ACLY: variants seen among roughly 807,000 people sequenced by gnomAD.
ACLY encodes ATP-citrate synthase.
Under a neutral mutation model 133.0 loss-of-function variants are expected in ACLY, and 41 were observed. That is an observed-to-expected ratio of 0.31 (90% confidence interval 0.24 to 0.40). ACLY has a LOEUF of 0.40. Among genes scored for constraint, ACLY ranks in the 10% least tolerant of loss-of-function variants. ACLY has a pLI of 1.00. For synonymous variants in ACLY, 495 were observed against 549.3 expected, an observed-to-expected ratio of 0.90 and a Z score of 1.38; for missense variants, 1,046 against 1,453.8, an observed-to-expected ratio of 0.72 and a Z score of 4.56.
chr17:41,904,845 C>A, intron 9 of ACLY, 55 bp from the exon 10 acceptor site: 1 of 1,534,354 alleles, frequency 6.5e-7, no homozygotes, highest in Non-Finnish European at 9.0e-7. Context: ...ACTTGAGCAT[C>A]TTCCCAGCAA....
At chr17:41,868,642 A>G (rs8079008) in intron 28 of ACLY, 67 bp downstream of exon 28, 1,035,378 of 1,126,370 alleles carry the variant, frequency 0.92, 476,765 homozygotes, top group East Asian at 1. Context: ...CAACCCCATG[A>G]GTAAGTGGTG....
intron 10 of ACLY, among the ~76,000 whole-genome samples, chr17:41,902,212 C>T (rs879948779): frequency 6.6e-6 from 1 of 152,122 alleles, no homozygotes; most frequent in Non-Finnish European, 1.5e-5. Flanking sequence ...AAGTGATGTG[C>T]GGGAATAGTT....
Position 41,897,816 on chromosome 17 carries a change from T to C in ACLY, c.1362A>G (p.Ala454=). 1 of 1,613,668 alleles carries C rather than the reference T, an allele frequency of 6.2e-7. No individual in the cohort carries two copies. Among genetic ancestry groups the C allele is most frequent in the East Asian group, 2.2e-5 (1 of 44,854 alleles). The change falls in exon 13 of 29, where the codon GCA becomes GCG. Residue 454 remains alanine, a synonymous_variant. Coordinates refer to ENST00000352035, the MANE Select transcript of ACLY (RefSeq NM_001096.3). The stretch of plus-strand genomic sequence containing the variant: ...CATCGGCCCTGGACTCAGAAAAAGA[T>C]GCTGTCCTGCTGGGGGCTGGCGTCT... ...STSTPAPSRT[A]SFSESRADEV...
At position 41,918,915 on chromosome 17, in the gene ACLY, G is replaced by C. The variant is rs781824000; in HGVS notation, c.-59C>G. 1.6e-6 allele frequency: 2 copies of C among 1,289,202 alleles called. No individual in the cohort carries two copies. The highest frequency in any genetic ancestry group is 2.5e-5 in the South Asian group (2 of 80,848). 79.9% of individuals were successfully genotyped at this position (1,289,202 alleles called of 1,614,324 possible). ...GTCCGTGCGCGGCGCTTCTTCCACA[G>C]GCCCGACGAACCCCGCAAAATCCGG... On this transcript the variant is annotated 5_prime_UTR_variant, in exon 1 of 29. Transcript: ENST00000352035.
intron 22 of ACLY, among the ~76,000 whole-genome samples, chr17:41,876,612 T>C (rs189895432): frequency 2.6e-5 from 4 of 151,488 alleles, no homozygotes; most frequent in East Asian, 3.9e-4. Flanking sequence ...TGTGACCTTA[T>C]CCCCAACCCT....
At chr17:41,917,569 G>A (rs569588279) in intron 1 of ACLY, among the ~76,000 whole-genome samples, 1 of 152,268 alleles carries the variant, frequency 6.6e-6, no homozygotes, top group East Asian at 1.9e-4. Flanking sequence ...AATCACTGGG[G>A]ATGCTACTAA....
In ACLY at chr17:41,913,844, C is replaced by T. The variant is rs151083494; in HGVS notation, c.30G>A (p.Thr10=). 33 of 1,614,076 alleles carry T rather than the reference C, an allele frequency of 2.0e-5. No individual in the cohort carries two copies. Among genetic ancestry groups the T allele is most frequent in the Non-Finnish European group, 2.6e-5 (31 of 1,180,040 alleles). ...TGAACTTGTAAAGGAGTTCTTTGCC[C>T]GTCTGCTCTGAAATTGCCTTGGCCG... The part of the protein sequence containing the change: MSAKAISEQ[T]GKELLYKFIC... Residue 10 remains threonine (T), a synonymous_variant, in exon 2 of 29, where the codon ACG becomes ACA. Coordinates refer to ENST00000352035, the MANE Select transcript of ACLY (RefSeq NM_001096.3).
chr17:41,912,355 A>C (rs1555633773), intron 3 of ACLY, 65 bp downstream of exon 3: 2 of 1,585,146 alleles, frequency 1.3e-6, no homozygotes, highest in African/African-American at 1.3e-5. Context: ...AGAGCTGCTG[A>C]CCTGGAGGTG....
intron 1 of ACLY, among the ~76,000 whole-genome samples, chr17:41,929,550 C>T (rs1245711972): frequency 6.6e-6 from 1 of 152,196 alleles, no homozygotes; most frequent in East Asian, 1.9e-4. Flanking sequence ...CTCACAGGCA[C>T]ACAGAACTTT....
Position 41,913,818 on chromosome 17 carries a change from A to G in ACLY, c.56T>C (p.Ile19Thr). ...ATTCTGGATGGCTGAGGTGGTACAG[A>G]TGAACTTGTAAAGGAGTTCTTTGCC... Reference protein sequence around the residue: ...QTGKELLYKFICTTSAIQNRF... With the variant: ...QTGKELLYKFTCTTSAIQNRF... The change falls in exon 2 of 29, where the codon ATC (isoleucine) becomes ACC (threonine). Residue 19 changes from isoleucine (I) to threonine (T), a missense_variant. Physicochemically the swap from Ile to Thr is moderately conservative, Grantham distance 89. Around this residue, in one of 4 missense-constraint regions of ACLY, gnomAD observed 227 missense variants for 245.6 expected, o/e 0.92. Transcript: ENST00000352035. 1 of 1,614,226 alleles carries G rather than the reference A, an allele frequency of 6.2e-7. No homozygotes were observed. Among genetic ancestry groups the G allele is most frequent in the Non-Finnish European group, 8.5e-7 (1 of 1,180,044 alleles).
intron 12 of ACLY, 145 bp from the exon 13 acceptor site, chr17:41,897,984 A>G: frequency 1.5e-6 from 1 of 678,858 alleles, no homozygotes; most frequent in Middle Eastern, 2.6e-4. Flanking sequence ...AGTACTAATA[A>G]TCCTCTAAGA....
intron 1 of ACLY, among the ~76,000 whole-genome samples, chr17:41,917,024 C>T (rs12952729): frequency 0.084 from 12,595 of 150,670 alleles, 730 homozygotes; most frequent in Non-Finnish European, 0.12. Flanking sequence ...ACACCTGTAG[C>T]TACTGGGGAG....
intron 11 of ACLY, among the ~76,000 whole-genome samples, chr17:41,899,214 G>A (rs2049456991): frequency 6.6e-6 from 1 of 151,950 alleles, no homozygotes; most frequent in Non-Finnish European, 1.5e-5. Flanking sequence ...GGCAGAGGTT[G>A]CAAAGTAAGC....
At position 41,871,795 on chromosome 17, in the gene ACLY, T is replaced by C; in HGVS notation, c.2831A>G (p.Lys944Arg). 6.2e-7 allele frequency: 1 copy of C among 1,614,160 alleles called. No homozygotes were observed. The highest frequency in any genetic ancestry group is 8.5e-7 in the Non-Finnish European group (1 of 1,180,022). ...RFGGALDAAA[K>R]MFSKAFDSGI... is the part of the protein sequence containing the mutation. ...ACTGTCAAAGGCTTTACTGAACATC[T>C]TGGCTGCTGCATCCAAGGCACCCCC... Residue 944 changes from lysine to arginine, a missense_variant, in exon 25 of 29, where the codon AAG becomes AGG. Transcript: ENST00000352035.
At chr17:41,871,410 T>C (rs952706467) in intron 25 of ACLY, among the ~76,000 whole-genome samples, 40 of 150,894 alleles carry the variant, frequency 2.7e-4, no homozygotes, top group African/African-American at 9.8e-4. Flanking sequence ...TGGAGTGCCA[T>C]GGCACAATCT....
intron 22 of ACLY, among the ~76,000 whole-genome samples, chr17:41,876,947 T>C (rs374936872): frequency 2.0e-5 from 3 of 149,290 alleles, no homozygotes; most frequent in African/African-American, 7.4e-5. Context: ...AAAAAAGAAA[T>C]GGGGGAGCCC....
Position 41,871,676 on chromosome 17 carries a change from A to T in ACLY, c.2937+13T>A. 1.2e-6 allele frequency: 2 copies of T among 1,613,778 alleles called. No homozygotes were observed. The highest frequency in any genetic ancestry group is 1.7e-6 in the Non-Finnish European group (2 of 1,179,948). On this transcript the variant is annotated intron_variant, in intron 25 of 28. Coordinates refer to ENST00000352035, the MANE Select transcript of ACLY (RefSeq NM_001096.3). ...GGCCTCCATCCCACTTTTTTAGGAG[A>T]GTAACAACTCACCGACTTCACTCGG...
chr17:41,907,963 G>A (rs1411785323), intron 6 of ACLY, among the ~76,000 whole-genome samples: 3 of 152,208 alleles, frequency 2.0e-5, no homozygotes, highest in Non-Finnish European at 4.4e-5. Flanking sequence ...CCACCGGTAT[G>A]CACATCTATG....
At chr17:41,871,914 G>A (rs1169164926) in intron 24 of ACLY, 82 bp from the exon 25 acceptor site, 6 of 1,595,472 alleles carry the variant, frequency 3.8e-6, no homozygotes, top group Admixed American at 1.7e-5. Flanking sequence ...TGTCCCGAAC[G>A]GCCCTGAGCA....
Sources: allele counts gnomAD v4.1 joint callset (sites outside exome capture counted in the v4.1 genomes callset), GRCh38; gene constraint gnomAD v4.1.1; regional missense constraint gnomAD v4.1.1; transcripts MANE v1.5; gene names NCBI Gene and HGNC (gene_info 2026-07-23, HGNC 2026-07-21).